Variants in HSP90AA1 observed in about 807,000 individuals in gnomAD.
The protein encoded by HSP90AA1 is heat shock protein 90 alpha family class A member 1.
A neutral mutation model predicts 73.3 loss-of-function variants in HSP90AA1; 18 were observed. That is an observed-to-expected ratio of 0.25 (90% CI 0.17 to 0.36). The LOEUF is 0.36. Ranked by LOEUF, HSP90AA1 falls within the 10% of genes least tolerant of loss-of-function variation. The probability of loss-of-function intolerance (pLI) is 1.00; values close to 1 mark genes in which losing one functional copy is unlikely to be tolerated. For synonymous variants in HSP90AA1, 477 were observed against 296.9 expected, an observed-to-expected ratio of 1.61 and a Z score of -6.24; for missense variants, 704 against 874.2, an observed-to-expected ratio of 0.81 and a Z score of 2.45.
intron 3 of HSP90AA1, 106 bp downstream of exon 3, chr14:102,085,652 G>C: frequency 2.6e-6 from 4 of 1,531,766 alleles, no homozygotes; most frequent in South Asian, 1.1e-5. Flanking sequence ...CCTGATCGTT[G>C]GGCAAACACA....
rs1212258045 is a variant in HSP90AA1 at position 102,081,151 on chromosome 14, C to CGATAT, written c.*556_*560dup. The CGATAT allele has an allele frequency of 3.9e-5, 9 of 231,844 alleles. No individual in the cohort carries two copies. The highest frequency in any genetic ancestry group is 2.0e-4 in the African/African-American group (9 of 45,010). 14.4% of individuals were successfully genotyped at this position (231,844 alleles called of 1,614,324 possible). ...TCTGAGTTATTTTTGAACAGCTTTA[C>CGATAT]GATATGCTTAGGTAGGCTTTTAACT... On this transcript the variant is annotated 3_prime_UTR_variant, in exon 11 of 11. Coordinates refer to ENST00000216281, the MANE Select transcript of HSP90AA1 (RefSeq NM_005348.4).
intron 1 of HSP90AA1, among the ~76,000 whole-genome samples, chr14:102,127,004 A>G (rs1209641250): frequency 6.6e-6 from 1 of 151,630 alleles, no homozygotes; most frequent in African/African-American, 2.4e-5. Flanking sequence ...AAAGGCCAAT[A>G]ATGCTGATGA....
chr14:102,087,317 G>A, upstream of HSP90AA1: 4 of 321,250 alleles, frequency 1.2e-5, no homozygotes, highest in Admixed American at 6.5e-5. Context: ...CGCCTGCGCG[G>A]CCCGGAATTC....
chr14:102,106,992 G>T (rs569454712), intron 1 of HSP90AA1, among the ~76,000 whole-genome samples: 1 of 152,020 alleles, frequency 6.6e-6, no homozygotes, highest in African/African-American at 2.4e-5. Context: ...AAATAAAAAA[G>T]GTCTTTAAAG....
intron 1 of HSP90AA1, among the ~76,000 whole-genome samples, chr14:102,125,455 T>G (rs556545229): frequency 6.6e-6 from 1 of 152,340 alleles, no homozygotes; most frequent in Non-Finnish European, 1.5e-5. Flanking sequence ...CAGGAGTGTT[T>G]CGTTTTTGTT....
chr14:102,083,336 A>T, intron 8 of HSP90AA1, 34 bp from the exon 9 acceptor site: 1 of 1,606,654 alleles, frequency 6.2e-7, no homozygotes, highest in Non-Finnish European at 8.5e-7. Context: ...TAGACCTTTT[A>T]ACAGTTAAGA....
At position 102,102,118 on chromosome 14, in the gene HSP90AA1, A is replaced by T. The variant is rs375928139; in HGVS notation, c.156-33T>A. On this transcript the variant is annotated intron_variant, in intron 1 of 11. Coordinates refer to the HSP90AA1 transcript ENST00000334701. ...CATAAACACAATCTTCTGGACTTCC[A>T]AACCAAACATAACAGAGATAGGGCG... The T allele has an allele frequency of 1.3e-6, 2 of 1,580,122 alleles. No individual in the cohort carries two copies. Among genetic ancestry groups the T allele is most frequent in the African/African-American group, 2.7e-5 (2 of 74,450 alleles).
chr14:102,094,616 T>G (rs2049400483), intron 2 of HSP90AA1, among the ~76,000 whole-genome samples: 1 of 151,650 alleles, frequency 6.6e-6, no homozygotes, highest in Non-Finnish European at 1.5e-5. Context: ...ATACTAGGAG[T>G]TAGCCAGGGA....
intron 1 of HSP90AA1, among the ~76,000 whole-genome samples, chr14:102,112,140 A>G (rs1488345496): frequency 6.7e-6 from 1 of 148,184 alleles, no homozygotes; most frequent in Non-Finnish European, 1.5e-5. Flanking sequence ...TGGAGTTTGG[A>G]CCTCTTAGAT....
rs1351743545 is a variant in HSP90AA1 at position 102,081,690 on chromosome 14, T to TAA, written c.*20_*21dup. On this transcript the variant is annotated 3_prime_UTR_variant, in exon 11 of 11. Coordinates refer to ENST00000216281, the MANE Select transcript of HSP90AA1 (RefSeq NM_005348.4). ...GAGGAATTGTAGAGTACTGAACAGG[T>TAA]AAGTCATCCCTCAGCCAGAGATTAG... 1.1e-6 allele frequency: 1 copy of TAA among 949,816 alleles called. No homozygotes were observed. The highest frequency in any genetic ancestry group is 1.6e-5 in the African/African-American group (1 of 62,206). 58.8% of individuals were successfully genotyped at this position (949,816 alleles called of 1,614,324 possible).
intron 7 of HSP90AA1, 39 bp from the exon 8 acceptor site, chr14:102,083,732 TAAAAAAA>T: frequency 2.9e-6 from 4 of 1,400,550 alleles, no homozygotes; most frequent in Non-Finnish European, 3.9e-6. Flanking sequence ...CTTTCTGAAT[TAAAAAAA>T]AAAAAAAAAA....
At chr14:102,125,445 C>T (rs979710002) in intron 1 of HSP90AA1, among the ~76,000 whole-genome samples, 3 of 152,254 alleles carry the variant, frequency 2.0e-5, no homozygotes, top group African/African-American at 7.2e-5. Context: ...TCTCCAAGGA[C>T]AGGAGTGTTT....
chr14:102,105,222 A>C (rs1277133171), intron 1 of HSP90AA1, among the ~76,000 whole-genome samples: 15 of 149,032 alleles, frequency 1.0e-4, no homozygotes, highest in African/African-American at 3.7e-4. Context: ...AAAAAAACAA[A>C]AAAAAAACCA....
rs1032129043 is a variant in HSP90AA1 at position 102,081,637 on chromosome 14, G to A, written c.*75C>T. Reference sequence around the variant, plus strand: ...ACTTTTTAATATTAACAAAAATAAAGAAAAACATCCTTGAAAATATATTAT... The same window carrying A: ...ACTTTTTAATATTAACAAAAATAAAAAAAAACATCCTTGAAAATATATTAT... On this transcript the variant is annotated 3_prime_UTR_variant, in exon 11 of 11. Coordinates refer to ENST00000216281, the MANE Select transcript of HSP90AA1 (RefSeq NM_005348.4). 6 of 804,146 alleles carry A rather than the reference G, an allele frequency of 7.5e-6. No homozygotes were observed. The highest frequency in any genetic ancestry group is 5.2e-5 in the Admixed American group (3 of 57,864). 49.8% of individuals were successfully genotyped at this position (804,146 alleles called of 1,614,324 possible).
chr14:102,112,837 T>G (rs1205945486), intron 1 of HSP90AA1, among the ~76,000 whole-genome samples: 7 of 152,226 alleles, frequency 4.6e-5, no homozygotes, highest in African/African-American at 1.7e-4. Flanking sequence ...GTTAAGTTTT[T>G]AATATTCAAG....
At chr14:102,131,728 T>C (rs2049908987) in intron 1 of HSP90AA1, among the ~76,000 whole-genome samples, 1 of 152,214 alleles carries the variant, frequency 6.6e-6, no homozygotes, top group African/African-American at 2.4e-5. Context: ...AAACTGCAAA[T>C]TACCTGACAT....
At chr14:102,106,639 G>T (rs1275555358) in intron 1 of HSP90AA1, among the ~76,000 whole-genome samples, 1 of 148,670 alleles carries the variant, frequency 6.7e-6, no homozygotes, top group Non-Finnish European at 1.5e-5. Context: ...CGCCTCCCAG[G>T]TTCAAGCGAT....
At chr14:102,085,724 C>G in intron 3 of HSP90AA1, 34 bp downstream of exon 3, 1 of 1,613,860 alleles carries the variant, frequency 6.2e-7, no homozygotes, top group South Asian at 1.1e-5. Flanking sequence ...ACCCTTCCAC[C>G]GCTCACTTAA....
chr14:102,111,968 A>C (rs946310259), intron 1 of HSP90AA1, among the ~76,000 whole-genome samples: 1 of 152,208 alleles, frequency 6.6e-6, no homozygotes, highest in Non-Finnish European at 1.5e-5. Flanking sequence ...GATCTTTTCT[A>C]TTCCAAGTGT....
Sources: gnomAD v4.1 joint callset for allele counts (sites outside exome capture counted in the v4.1 genomes callset) on GRCh38, gnomAD v4.1.1 for gene constraint, MANE v1.5 for transcripts, NCBI Gene and HGNC (gene_info 2026-07-23, HGNC 2026-07-21) for gene names.